TRIM37: variants seen among roughly 807,000 people sequenced by gnomAD.
TRIM37 encodes the protein E3 ubiquitin-protein ligase TRIM37.
In TRIM37, 80 loss-of-function variants were observed where a neutral mutation model predicts 129.8. The observed-to-expected ratio is 0.62, with a 90% confidence interval of 0.51 to 0.74. The LOEUF (loss-of-function observed/expected upper bound fraction) is 0.74. Ranked by LOEUF, TRIM37 falls within the 30% of genes least tolerant of loss-of-function variation. The pLI, the probability that TRIM37 is intolerant of heterozygous loss-of-function variation, is 0.00. For synonymous variants in TRIM37, 389 were observed against 387.1 expected (o/e 1.00, Z -0.06); for missense variants, 1,054 against 1,176.5 (o/e 0.90, Z 1.52).
chr17:59,060,901 C>CT, intron 12 of TRIM37, 131 bp downstream of exon 12: 1 of 681,036 alleles, frequency 1.5e-6, no homozygotes, highest in East Asian at 2.8e-5. Flanking sequence ...CCTATGATGC[C>CT]AAGAACATAT....
intron 3 of TRIM37, among the ~76,000 whole-genome samples, chr17:59,089,362 G>A (rs2044067045): frequency 6.6e-6 from 1 of 152,072 alleles, no homozygotes; most frequent in African/African-American, 2.4e-5. Flanking sequence ...TAAAATTTTG[G>A]CCAGGTGCAG....
In TRIM37 at chr17:59,032,059, A is replaced by G. The variant is rs777997696; in HGVS notation, c.1785T>C (p.Ser595=). Residue 595 remains serine (S), a synonymous_variant, in exon 18 of 24, where the codon AGT becomes AGC. Coordinates refer to ENST00000262294, the MANE Select transcript of TRIM37 (RefSeq NM_015294.6). ...ATAAATGTGTTCTTCTTGATATTCTACTACTGGAACCCACATAACCATGGC... is the reference window on the plus strand; with the variant it reads ...ATAAATGTGTTCTTCTTGATATTCTGCTACTGGAACCCACATAACCATGGC... ...GSSHGYVGSS[S]RISRRTHLCS... The G allele has an allele frequency of 2.5e-6, 4 of 1,614,072 alleles. No homozygotes were observed. Among genetic ancestry groups the G allele is most frequent in the East Asian group, 2.2e-5 (1 of 44,884 alleles).
At chr17:59,054,904 G>A (rs1662016331) in intron 13 of TRIM37, among the ~76,000 whole-genome samples, 1 of 151,608 alleles carries the variant, frequency 6.6e-6, no homozygotes, top group Admixed American at 6.6e-5. Flanking sequence ...GAGCCCAAGT[G>A]ATCTGCCTGC....
At chr17:58,992,528 G>C (rs1218319548) in intron 24 of TRIM37, among the ~76,000 whole-genome samples, 1 of 151,678 alleles carries the variant, frequency 6.6e-6, no homozygotes, top group African/African-American at 2.4e-5. Context: ...TTACAGGCAT[G>C]CGCCACCACG....
chr17:59,018,152 G>A (rs1598921158), intron 19 of TRIM37, among the ~76,000 whole-genome samples: 1 of 151,984 alleles, frequency 6.6e-6, no homozygotes, highest in Non-Finnish European at 1.5e-5. Context: ...GAAAATGTAC[G>A]GCCTTAAAAT....
chr17:58,982,648 A>T, downstream of TRIM37: 1 of 470,698 alleles, frequency 2.1e-6, no homozygotes. Context: ...TTTAGCAATG[A>T]TCAGATTGTT....
At chr17:59,095,553 T>G (rs1319046745) in intron 2 of TRIM37, among the ~76,000 whole-genome samples, 1 of 152,166 alleles carries the variant, frequency 6.6e-6, no homozygotes, top group African/African-American at 2.4e-5. Context: ...GGAAATTTGT[T>G]AACAAAGGAC....
chr17:59,049,083 T>C (rs1568089960), intron 15 of TRIM37, 95 bp downstream of exon 15: 1 of 957,756 alleles, frequency 1.0e-6, no homozygotes, highest in African/African-American at 1.6e-5. Flanking sequence ...ACAATATTTT[T>C]AGCCTACTGT....
chr17:59,060,540 T>G (rs1324112961), intron 12 of TRIM37, among the ~76,000 whole-genome samples: 1 of 152,164 alleles, frequency 6.6e-6, no homozygotes, highest in African/African-American at 2.4e-5. Context: ...TCAAAGAAGA[T>G]CCACAATTAT....
At chr17:59,008,440 C>CA (rs906341594) in intron 22 of TRIM37, among the ~76,000 whole-genome samples, 1 of 152,186 alleles carries the variant, frequency 6.6e-6, no homozygotes, top group Non-Finnish European at 1.5e-5. Context: ...TCACTATGGC[C>CA]AAGCAAATGC....
chr17:59,078,711 T>C (rs2043021537), intron 7 of TRIM37, among the ~76,000 whole-genome samples: 1 of 152,200 alleles, frequency 6.6e-6, no homozygotes, highest in Non-Finnish European at 1.5e-5. Flanking sequence ...ACGATTTTCA[T>C]TTACATGAAA....
intron 22 of TRIM37, among the ~76,000 whole-genome samples, chr17:59,011,333 A>G (rs2035234300): frequency 6.6e-6 from 1 of 152,250 alleles, no homozygotes. Flanking sequence ...TGCCCATCAC[A>G]GAAGCACCAA....
intron 18 of TRIM37, 66 bp from the exon 19 acceptor site, chr17:59,028,789 A>G: frequency 6.5e-7 from 1 of 1,546,890 alleles, no homozygotes; most frequent in Non-Finnish European, 8.9e-7. Context: ...TTGTACCATG[A>G]ATATATGCAA....
Position 59,106,522 on chromosome 17 carries a change from G to C in TRIM37, c.-61C>G. The C allele has an allele frequency of 6.2e-7, 1 of 1,606,170 alleles. No homozygotes were observed. Among genetic ancestry groups the C allele is most frequent in the Non-Finnish European group, 8.5e-7 (1 of 1,175,646 alleles). ...CAGGCTCCGCAGTCTGACCTCTTAG[G>C]CGCCGGCCCGAGGTCGCCAGATCAA... is the stretch of plus-strand genomic sequence containing the variant. On this transcript the variant is annotated 5_prime_UTR_variant, in exon 1 of 24. Coordinates refer to ENST00000262294, the MANE Select transcript of TRIM37 (RefSeq NM_015294.6).
intron 2 of TRIM37, among the ~76,000 whole-genome samples, chr17:59,092,398 C>CAA (rs1335472972): frequency 7.5e-5 from 7 of 93,494 alleles, no homozygotes; most frequent in African/African-American, 8.0e-5. Flanking sequence ...GACTCTGTCT[C>CAA]AAAAAAAAAA....
intron 24 of TRIM37, among the ~76,000 whole-genome samples, chr17:58,986,980 C>T (rs1009148212): frequency 7.2e-5 from 11 of 152,166 alleles, no homozygotes; most frequent in Admixed American, 2.6e-4. Flanking sequence ...TAGTAAGAAG[C>T]GCTCTTCCCT....
chr17:59,082,261 A>ACT (rs2043366527), intron 5 of TRIM37, among the ~76,000 whole-genome samples: 1 of 152,064 alleles, frequency 6.6e-6, no homozygotes, highest in Non-Finnish European at 1.5e-5. Flanking sequence ...ACAGAGTGAG[A>ACT]CTCTGTCTCA....
intron 8 of TRIM37, among the ~76,000 whole-genome samples, chr17:59,072,618 C>T (rs1037026189): frequency 6.6e-6 from 1 of 151,876 alleles, no homozygotes; most frequent in Non-Finnish European, 1.5e-5. Context: ...CGTGGTGGCA[C>T]GTGCCTGTAG....
At chr17:59,091,568 AATATATATAATGTATAATATATTAT>A in intron 2 of TRIM37, among the ~76,000 whole-genome samples, 1 of 67,416 alleles carries the variant, frequency 1.5e-5, no homozygotes, top group African/African-American at 7.8e-5. Context: ...TTATATATAT[AATATATATAATGTATAATATATTAT>A]ACATTATATA....
Sources: gnomAD v4.1 joint callset for allele counts (sites outside exome capture counted in the v4.1 genomes callset) on GRCh38, gnomAD v4.1.1 for gene constraint, MANE v1.5 for transcripts, NCBI Gene and HGNC (gene_info 2026-07-23, HGNC 2026-07-21) for gene names.